Variants in NUP210 observed in about 807,000 individuals in gnomAD.
NUP210 encodes nuclear pore membrane glycoprotein 210.
NUP210 carries 151 observed loss-of-function variants against 196.0 expected under a neutral mutation model. That is an observed-to-expected ratio of 0.77 (90% confidence interval 0.67 to 0.88). The LOEUF (loss-of-function observed/expected upper bound fraction) is 0.88. Among genes scored for constraint, NUP210 ranks in the 40% least tolerant of loss-of-function variants. The pLI, the probability that NUP210 is intolerant of heterozygous loss-of-function variation, is 0.00. For synonymous variants in NUP210, 1,070 were observed against 1,052.7 expected, an observed-to-expected ratio of 1.02 and a Z score of -0.32; for missense variants, 2,314 against 2,493.7, an observed-to-expected ratio of 0.93 and a Z score of 1.53.
intron 20 of NUP210, 124 bp from the exon 21 acceptor site, chr3:13,343,427 A>G (rs901402013): frequency 1.6e-6 from 2 of 1,264,422 alleles, no homozygotes; most frequent in Non-Finnish European, 2.2e-6. Flanking sequence ...ATGGGATGCC[A>G]GTGGCAGAGC....
chr3:13,398,512 T>C (rs1469675047), intron 2 of NUP210, among the ~76,000 whole-genome samples: 1 of 152,234 alleles, frequency 6.6e-6, no homozygotes, highest in Non-Finnish European at 1.5e-5. Flanking sequence ...AAAAGAATTC[T>C]AATTTGTTCT....
chr3:13,373,998 A>C, intron 11 of NUP210, 125 bp from the exon 12 acceptor site: 148 of 1,138,388 alleles, frequency 1.3e-4, no homozygotes, highest in Non-Finnish European at 1.7e-4. Context: ...CCTCACACTC[A>C]TGGGTTCACC....
At chr3:13,366,516 C>CTT (rs58529748) in intron 13 of NUP210, among the ~76,000 whole-genome samples, 3,738 of 110,780 alleles carry the variant, frequency 0.034, 90 homozygotes, top group Middle Eastern at 0.077. Flanking sequence ...TGATTTCTTT[C>CTT]TTTTTTTTTT....
At chr3:13,359,977 C>T (rs1183089807) in intron 15 of NUP210, among the ~76,000 whole-genome samples, 1 of 152,242 alleles carries the variant, frequency 6.6e-6, no homozygotes, top group East Asian at 1.9e-4. Context: ...CTCAAAGCCT[C>T]CAGCTCTGGT....
At chr3:13,393,495 G>A (rs570132768) in intron 3 of NUP210, among the ~76,000 whole-genome samples, 1 of 152,356 alleles carries the variant, frequency 6.6e-6, no homozygotes, top group South Asian at 2.1e-4. Context: ...TGCACACACA[G>A]GACCGAGTGC....
chr3:13,386,256 G>T lies in NUP210; in HGVS notation c.817+19C>A. On this transcript the variant is annotated intron_variant, in intron 6 of 39. Transcript: ENST00000254508. ...GGAGGAAGGAAGCATCTGTCATGAT[G>T]GCAGAGCCAATGACACACCTGTAAT... The T allele has an allele frequency of 6.8e-6, 11 of 1,606,466 alleles. No individual in the cohort carries two copies. Among genetic ancestry groups the T allele is most frequent in the Non-Finnish European group, 9.4e-6 (11 of 1,175,974 alleles).
intron 15 of NUP210, among the ~76,000 whole-genome samples, chr3:13,359,939 T>C (rs2124891682): frequency 6.6e-6 from 1 of 152,358 alleles, no homozygotes; most frequent in South Asian, 2.1e-4. Flanking sequence ...TTTACGACCC[T>C]GGAGACATTG....
rs1050342684 is a variant in NUP210, at chr3:13,316,652, C to A, written c.*1029G>T. 1 of 152,264 alleles carries A rather than the reference C, an allele frequency of 6.6e-6. No homozygotes were observed. The highest frequency in any genetic ancestry group is 2.4e-5 in the African/African-American group (1 of 41,480). 9.4% of individuals were successfully genotyped at this position (152,264 alleles called of 1,614,324 possible). On this transcript the variant is annotated 3_prime_UTR_variant, in exon 40 of 40. Coordinates refer to ENST00000254508, the MANE Select transcript of NUP210 (RefSeq NM_024923.4). ...TGGCGGCCGCCCTCCATCATTGGCC[C>A]AGGCCGGGCTCTAGGGCCTGCTGGG... is the stretch of plus-strand genomic sequence containing the variant.
At chr3:13,342,766 C>T (rs1023269070) in intron 21 of NUP210, among the ~76,000 whole-genome samples, 18 of 152,266 alleles carry the variant, frequency 1.2e-4, no homozygotes, top group South Asian at 8.3e-4. Context: ...TTTGCAATGG[C>T]GCTTGGCATG....
rs139858326 is a variant in NUP210, at chr3:13,340,280, G to A, written c.3247C>T (p.Leu1083=). The change falls in exon 24 of 40, where the codon CTG becomes TTG. Residue 1083 remains leucine (L), a synonymous_variant. Coordinates refer to ENST00000254508, the MANE Select transcript of NUP210 (RefSeq NM_024923.4). This position sits in a 1 kb window ranked among gnomAD's most constrained non-coding sequence, Gnocchi z 4.0. ...QQIEVFPPFR[L]MPRKVTLLIG... is the part of the protein sequence containing the mutation. ...AGCAGTGTCACCTTCCTGGGCATCA[G>A]CCTGAACGGGGGAAAGACCTGTTGA... The A allele has an allele frequency of 1.5e-5, 24 of 1,613,340 alleles. No homozygotes were observed. In the Admixed American group the frequency reaches 2.7e-4, roughly 18 times the overall value.
At chr3:13,330,670 G>A in intron 29 of NUP210, 36 bp from the exon 30 acceptor site, 1 of 1,594,262 alleles carries the variant, frequency 6.3e-7, no homozygotes, top group Non-Finnish European at 8.6e-7. Context: ...TTTGTAGATG[G>A]CAGCAGTGGG....
At position 13,360,345 on chromosome 3, in the gene NUP210, A is replaced by G. The variant is rs1479248325; in HGVS notation, c.2079T>C (p.Ala693=). 2 of 1,614,218 alleles carry G rather than the reference A, an allele frequency of 1.2e-6. No homozygotes were observed. Among genetic ancestry groups the G allele is most frequent in the Admixed American group, 3.3e-5 (2 of 60,024 alleles). The change falls in exon 15 of 40, where the codon GCT becomes GCC. Residue 693 remains alanine (A), a synonymous_variant. Coordinates refer to ENST00000254508, the MANE Select transcript of NUP210 (RefSeq NM_024923.4). ...TCCGGGAGGAATGGGGGGCAAAGAG[A>G]GCCAGGCCGATGCTGTCAGTGTCCT... ...TAEDTDSIGL[A]LFAPHSSRNY...
Position 13,420,041 on chromosome 3 carries a change from G to C in NUP210, c.167+19C>G. The C allele has an allele frequency of 8.1e-7, 1 of 1,235,544 alleles. No individual in the cohort carries two copies. 76.5% of individuals were successfully genotyped at this position (1,235,544 alleles called of 1,614,324 possible). A position where few individuals can be genotyped will look rare whatever the true frequency, so the allele number is the denominator to read the frequency against. On this transcript the variant is annotated intron_variant, in intron 1 of 39. Transcript: ENST00000254508. This position sits in a 1 kb window ranked among gnomAD's most constrained non-coding sequence, Gnocchi z 4.8. ...CAGCCCGGCCCACGGCGCCCGCCCG[G>C]CCCGGCCGCGCGCCTCACCAGCGGT...
intron 12 of NUP210, 128 bp from the exon 13 acceptor site, chr3:13,372,160 C>A (rs1296677576): frequency 1.7e-5 from 15 of 881,312 alleles, no homozygotes; most frequent in Non-Finnish European, 2.4e-5. Context: ...CTGTCACGGG[C>A]AGTGGGGTGA....
chr3:13,413,704 T>C (rs536871876), intron 1 of NUP210, among the ~76,000 whole-genome samples: 44 of 151,374 alleles, frequency 2.9e-4, no homozygotes, highest in African/African-American at 1.1e-3. Context: ...AAATAGGGAG[T>C]TGCTATTTAA....
intron 6 of NUP210, among the ~76,000 whole-genome samples, chr3:13,383,358 C>T (rs1699164397): frequency 6.6e-6 from 1 of 152,060 alleles, no homozygotes; most frequent in African/African-American, 2.4e-5. Flanking sequence ...GAGGTGGGCC[C>T]TGCCTCTTTC....
chr3:13,326,768 C>T (rs1576344772), intron 32 of NUP210, among the ~76,000 whole-genome samples: 1 of 152,356 alleles, frequency 6.6e-6, no homozygotes, highest in East Asian at 1.9e-4. Context: ...CAGCAGAGAT[C>T]CGTGTGTCTC....
At position 13,391,309 on chromosome 3, in the gene NUP210, T is replaced by A; in HGVS notation, c.437-2A>T. On this transcript the variant is annotated splice_acceptor_variant, in intron 3 of 39. Transcript: ENST00000254508. LOFTEE classifies it high-confidence loss of function. ...CAGCCAGAGTGCTGAAGGTGTTCCC[T>A]ATAAGAGCAGATGGGAGAGGCAGAC... The A allele has an allele frequency of 6.2e-7, 1 of 1,600,922 alleles. No homozygotes were observed. Among genetic ancestry groups the A allele is most frequent in the Non-Finnish European group, 8.5e-7 (1 of 1,171,836 alleles).
chr3:13,397,501 C>A lies in NUP210; in HGVS notation c.305-13G>T. ...ACCTGGCCTGTGGCTGGAGGAACCCCAGGAAGGGGTCAGCACCAAAGACAG... is the reference window on the plus strand; with the variant it reads ...ACCTGGCCTGTGGCTGGAGGAACCCAAGGAAGGGGTCAGCACCAAAGACAG... On this transcript the variant is annotated splice_polypyrimidine_tract_variant and intron_variant, in intron 2 of 39. Transcript: ENST00000254508. 1 of 1,585,780 alleles carries A rather than the reference C, an allele frequency of 6.3e-7. No homozygotes were observed. Among genetic ancestry groups the A allele is most frequent in the Non-Finnish European group, 8.6e-7 (1 of 1,166,134 alleles).
Sources: gnomAD v4.1 joint callset for allele counts (sites outside exome capture counted in the v4.1 genomes callset) on GRCh38, gnomAD v4.1.1 for gene constraint, Gnocchi (gnomAD v3.1) non-coding constraint, MANE v1.5 for transcripts, NCBI Gene and HGNC (gene_info 2026-07-23, HGNC 2026-07-21) for gene names.